Variants in PLCB1 observed in about 807,000 individuals in gnomAD.
PLCB1 encodes phospholipase C beta 1.
A neutral mutation model predicts 161.8 loss-of-function variants in PLCB1; 46 were observed. The observed-to-expected ratio is 0.28, with a 90% CI of 0.22 to 0.36. The LOEUF (loss-of-function observed/expected upper bound fraction) is 0.36, where lower values mean the gene tolerates loss of function less well. Among genes scored for constraint, PLCB1 ranks in the 10% least tolerant of loss-of-function variants. The pLI is 1.00. For missense variants in PLCB1, 1,016 were observed against 1,472.5 expected (o/e 0.69, Z 5.07); for synonymous variants, 517 against 503.7 (o/e 1.03, Z -0.35).
chr20:8,301,264 C>T (rs1323504352), intron 2 of PLCB1, among the ~76,000 whole-genome samples: 1 of 152,128 alleles, frequency 6.6e-6, no homozygotes. Flanking sequence ...GTAATACTTT[C>T]TTATAGTGCA....
chr20:8,627,683 C>T (rs762278007), intron 3 of PLCB1, among the ~76,000 whole-genome samples: 1 of 152,172 alleles, frequency 6.6e-6, no homozygotes, highest in Non-Finnish European at 1.5e-5. Flanking sequence ...TTATGATGAC[C>T]CAAAGAATGC....
At chr20:8,738,801 C>CA (rs1209771245) in intron 20 of PLCB1, among the ~76,000 whole-genome samples, 1 of 152,150 alleles carries the variant, frequency 6.6e-6, no homozygotes, top group Non-Finnish European at 1.5e-5. Flanking sequence ...ATTTATAGGG[C>CA]AACATCTCAA....
rs1482980375 is a variant in PLCB1, at chr20:8,327,011, G to A, written c.178-44371G>A. ...AGCAATTATCCCACCTCAGCCTCCT[G>A]AGTAGCTGGGACTACAGGCGTGCGC... On this transcript the variant is annotated intron_variant, in intron 2 of 31. Coordinates refer to ENST00000338037, the MANE Select transcript of PLCB1 (RefSeq NM_015192.4). Among the ~76,000 whole-genome samples, 3 of 152,140 alleles carry A rather than the reference G, an allele frequency of 2.0e-5. No individual in the cohort carries two copies. The East Asian group carries it at 5.8e-4, about 29-fold the overall frequency.
At chr20:8,741,209 C>G (rs939493606) in intron 22 of PLCB1, among the ~76,000 whole-genome samples, 1 of 152,222 alleles carries the variant, frequency 6.6e-6, no homozygotes, top group African/African-American at 2.4e-5. Flanking sequence ...TAATTTCTCT[C>G]TTCCTGAAGT....
At chr20:8,662,003 TTATATAATTATATATAATATAC>T (rs1484872398) in intron 9 of PLCB1, among the ~76,000 whole-genome samples, 11 of 94,158 alleles carry the variant, frequency 1.2e-4, no homozygotes, top group African/African-American at 4.3e-4. Flanking sequence ...TAATTATTTA[TTATATAATTATATATAATATAC>T]AATTATTTAT....
intron 3 of PLCB1, among the ~76,000 whole-genome samples, chr20:8,474,982 C>T (rs1371442829): frequency 6.6e-6 from 1 of 151,128 alleles, no homozygotes; most frequent in Non-Finnish European, 1.5e-5. Flanking sequence ...ACAATATACA[C>T]TAGTCAAAAA....
intron 3 of PLCB1, among the ~76,000 whole-genome samples, chr20:8,517,332 C>T (rs1984172971): frequency 6.6e-6 from 1 of 152,092 alleles, no homozygotes; most frequent in South Asian, 2.1e-4. Flanking sequence ...TTTGAAATTG[C>T]TGGGTGTTGT....
At chr20:8,234,079 G>T (rs375473651) in intron 2 of PLCB1, among the ~76,000 whole-genome samples, 30 of 152,172 alleles carry the variant, frequency 2.0e-4, no homozygotes, top group African/African-American at 7.2e-4. Context: ...TTTCTGCTTG[G>T]TGTGTGTCTT....
At chr20:8,400,841 A>G (rs1301539379) in intron 3 of PLCB1, among the ~76,000 whole-genome samples, 1 of 152,142 alleles carries the variant, frequency 6.6e-6, no homozygotes, top group Non-Finnish European at 1.5e-5. Context: ...TGATGTGTAT[A>G]TATATGTATA....
rs147336420 is a variant in PLCB1 at position 8,491,006 on chromosome 20, C to T, written c.246+119556C>T. Among the ~76,000 whole-genome samples the T allele has an allele frequency of 6.1e-3, 918 of 151,368 alleles. 2 individuals are homozygous for T. The highest frequency in any genetic ancestry group is 0.011 in the Non-Finnish European group (718 of 67,670). On this transcript the variant is annotated intron_variant, in intron 3 of 31. Coordinates refer to ENST00000338037, the MANE Select transcript of PLCB1 (RefSeq NM_015192.4). ...TCAAATATTTTCTCCAAGTCTGTGGCATGTCTTTTCATTCTTATAACACCG... is the reference window on the plus strand; with the variant it reads ...TCAAATATTTTCTCCAAGTCTGTGGTATGTCTTTTCATTCTTATAACACCG...
At chr20:8,416,298 T>C (rs182143993) in intron 3 of PLCB1, among the ~76,000 whole-genome samples, 302 of 152,246 alleles carry the variant, frequency 2.0e-3, no homozygotes, top group Non-Finnish European at 3.4e-3. Context: ...AAATAACTTA[T>C]GTATATACAT....
chr20:8,282,004 A>G (rs1395428691), intron 2 of PLCB1, among the ~76,000 whole-genome samples: 1 of 152,214 alleles, frequency 6.6e-6, no homozygotes, highest in Admixed American at 6.5e-5. Flanking sequence ...AAAATTTTAA[A>G]TCAGCCTTAT....
Position 8,364,923 on chromosome 20 carries a change from C to T in PLCB1, c.178-6459C>T, listed in dbSNP as rs74619290. Among the ~76,000 whole-genome samples the T allele has an allele frequency of 1.1e-3, 173 of 152,220 alleles. 1 individual carries two copies. Among genetic ancestry groups the T allele is most frequent in the Non-Finnish European group, 1.7e-3 (116 of 68,004 alleles). ...GTTTTTATGAAGTAGCTATAGAGTT[C>T]CAGGTTTTCAGATCTTTTTCTTTTT... On this transcript the variant is annotated intron_variant, in intron 2 of 31. Transcript: ENST00000338037.
At chr20:8,163,470 G>C (rs73080226) in intron 2 of PLCB1, among the ~76,000 whole-genome samples, 7,658 of 152,256 alleles carry the variant, frequency 0.05, 214 homozygotes, top group East Asian at 0.066. Context: ...GGCACCACCA[G>C]CAGCAACCAC....
intron 3 of PLCB1, among the ~76,000 whole-genome samples, chr20:8,437,990 A>G (rs1440345890): frequency 6.6e-6 from 1 of 152,178 alleles, no homozygotes; most frequent in African/African-American, 2.4e-5. Context: ...AACATAAAAA[A>G]AGTCTATTTT....
intron 14 of PLCB1, among the ~76,000 whole-genome samples, chr20:8,720,716 C>T (rs2123474180): frequency 6.6e-6 from 1 of 152,130 alleles, no homozygotes; most frequent in Non-Finnish European, 1.5e-5. Flanking sequence ...TCTTTCTTTC[C>T]CACAGACACT....
intron 3 of PLCB1, among the ~76,000 whole-genome samples, chr20:8,539,687 TTTCTTTTTCCTTCCTTCCTTC>T (rs1404725787): frequency 4.7e-5 from 2 of 42,686 alleles, no homozygotes; most frequent in Admixed American, 3.0e-4. Context: ...TTTCTTTCTT[TTTCTTTTTCCTTCCTTCCTTC>T]CTTTCTTTTC....
At chr20:8,393,719 T>G (rs1284556489) in intron 3 of PLCB1, among the ~76,000 whole-genome samples, 1 of 152,168 alleles carries the variant, frequency 6.6e-6, no homozygotes, top group Non-Finnish European at 1.5e-5. Flanking sequence ...CATGGGTTAG[T>G]GTCACTTCTT....
intron 3 of PLCB1, among the ~76,000 whole-genome samples, chr20:8,514,950 T>C (rs1360514821): frequency 6.6e-6 from 1 of 152,158 alleles, no homozygotes; most frequent in Non-Finnish European, 1.5e-5. Context: ...TTCCAATAAG[T>C]ACCCAGGTGA....
Sources: gnomAD v4.1 joint callset for allele counts (sites outside exome capture counted in the v4.1 genomes callset) on GRCh38, gnomAD v4.1.1 for gene constraint, MANE v1.5 for transcripts, NCBI Gene and HGNC (gene_info 2026-07-23, HGNC 2026-07-21) for gene names.